AK5: variants seen among roughly 807,000 people sequenced by gnomAD.
The protein encoded by AK5 is adenylate kinase isoenzyme 5.
AK5 carries 27 observed loss-of-function variants against 69.5 expected under a neutral mutation model. The ratio of observed to expected loss-of-function variants is 0.39; its 90% CI spans 0.29 to 0.54. The LOEUF (loss-of-function observed/expected upper bound fraction) is 0.54. Ranked by LOEUF, AK5 falls within the 20% of genes least tolerant of loss-of-function variation. The pLI is 0.71. For synonymous variants in AK5, 260 were observed against 244.4 expected (o/e 1.06, Z -0.60); for missense variants, 531 against 700.4 (o/e 0.76, Z 2.73).
intron 10 of AK5, among the ~76,000 whole-genome samples, chr1:77,517,049 C>T (rs3104462): frequency 0.025 from 3,328 of 135,694 alleles, 105 homozygotes; most frequent in African/African-American, 0.089. Context: ...CCAGCCTGGT[C>T]GATAAAGCAA....
chr1:77,447,346 G>A (rs1652813908), intron 8 of AK5, among the ~76,000 whole-genome samples: 1 of 152,186 alleles, frequency 6.6e-6, no homozygotes, highest in African/African-American at 2.4e-5. Flanking sequence ...TGCCAATTCT[G>A]AGCAAGGAAT....
intron 8 of AK5, among the ~76,000 whole-genome samples, chr1:77,451,485 A>G (rs1458806081): frequency 1.3e-5 from 2 of 152,188 alleles, no homozygotes; most frequent in Non-Finnish European, 2.9e-5. Flanking sequence ...TCACTGTTAT[A>G]AATAATGCTG....
Position 77,433,145 on chromosome 1 carries a change from C to A in AK5, c.1059+15430C>A, listed in dbSNP as rs551351917. The stretch of plus-strand genomic sequence containing the variant: ...TTGCTCTTAGTTGGAGAGTTGCAGC[C>A]AAATATTGAAGAAAATTAGGAGAAT... On this transcript the variant is annotated intron_variant, in intron 8 of 13. Transcript: ENST00000354567. Among the ~76,000 whole-genome samples, 4 of 152,122 alleles carry A rather than the reference C, an allele frequency of 2.6e-5. No homozygotes were observed. In the East Asian group the frequency reaches 7.7e-4, roughly 29 times the overall value.
intron 5 of AK5, among the ~76,000 whole-genome samples, chr1:77,302,507 A>G (rs970073039): frequency 3.9e-5 from 6 of 152,276 alleles, no homozygotes; most frequent in Non-Finnish European, 7.4e-5. Context: ...TTTAATGACA[A>G]TTAGCTTCAG....
intron 6 of AK5, among the ~76,000 whole-genome samples, chr1:77,356,486 A>G (rs61783073): frequency 0.16 from 24,399 of 152,144 alleles, 2,072 homozygotes; most frequent in Middle Eastern, 0.23. Flanking sequence ...TCAGGGGCAA[A>G]CAGATCACAG....
At chr1:77,324,392 T>C (rs1660689890) in intron 5 of AK5, among the ~76,000 whole-genome samples, 1 of 151,874 alleles carries the variant, frequency 6.6e-6, no homozygotes, top group Admixed American at 6.6e-5. Context: ...AAACTAATTT[T>C]CGTGTATGCC....
At chr1:77,503,886 CAA>C (rs1656872216) in intron 10 of AK5, among the ~76,000 whole-genome samples, 3 of 146,996 alleles carry the variant, frequency 2.0e-5, no homozygotes, top group Non-Finnish European at 4.5e-5. Flanking sequence ...GCCTGGGTGA[CAA>C]GAGACTGTCT....
intron 5 of AK5, among the ~76,000 whole-genome samples, chr1:77,319,869 C>G (rs958370596): frequency 1.3e-5 from 2 of 152,148 alleles, no homozygotes; most frequent in Non-Finnish European, 2.9e-5. Flanking sequence ...ATTATGTGTA[C>G]AAGTGTGCCC....
intron 8 of AK5, among the ~76,000 whole-genome samples, chr1:77,445,742 A>T (rs1328840620): frequency 6.7e-6 from 1 of 149,214 alleles, no homozygotes; most frequent in Non-Finnish European, 1.5e-5. Context: ...CTGCCACCAT[A>T]CCCGGCTAAT....
At chr1:77,367,291 C>G (rs1646967550) in intron 6 of AK5, among the ~76,000 whole-genome samples, 1 of 151,014 alleles carries the variant, frequency 6.6e-6, no homozygotes, top group African/African-American at 2.4e-5. Context: ...GGCATAGGAC[C>G]CAAGTCTAAA....
intron 5 of AK5, chr1:77,314,163 A>G (rs987883516): frequency 7.0e-5 from 21 of 299,114 alleles, no homozygotes; most frequent in Middle Eastern, 1.2e-3. Context: ...TTCTAATTTT[A>G]TATGTGAGGA....
At chr1:77,438,991 A>G (rs1287307899) in intron 8 of AK5, among the ~76,000 whole-genome samples, 1 of 152,162 alleles carries the variant, frequency 6.6e-6, no homozygotes, top group African/African-American at 2.4e-5. Flanking sequence ...CTGAGAAGAA[A>G]TTCTCCAGGA....
intron 6 of AK5, among the ~76,000 whole-genome samples, chr1:77,406,387 G>C (rs891671730): frequency 6.6e-6 from 1 of 152,122 alleles, no homozygotes; most frequent in Admixed American, 6.6e-5. Flanking sequence ...AGATGGAACT[G>C]AGAGTCCAAG....
At chr1:77,496,883 T>C (rs541025286) in intron 10 of AK5, among the ~76,000 whole-genome samples, 63 of 152,084 alleles carry the variant, frequency 4.1e-4, no homozygotes, top group Non-Finnish European at 8.2e-4. Context: ...CTCTGTAAAA[T>C]GGACTAATTG....
At chr1:77,499,851 G>T (rs1656592240) in intron 10 of AK5, among the ~76,000 whole-genome samples, 1 of 131,854 alleles carries the variant, frequency 7.6e-6, no homozygotes. Context: ...CTAGATGACA[G>T]AGACCATGCC....
At position 77,527,887 on chromosome 1, in the gene AK5, C is replaced by T. The variant is rs531844421; in HGVS notation, c.1428+5944C>T. 5.3e-5 allele frequency among the ~76,000 whole-genome samples: 8 copies of T among 152,282 alleles called. 1 individual carries two copies. The highest frequency in any genetic ancestry group is 1.9e-4 in the African/African-American group (8 of 41,550). On this transcript the variant is annotated intron_variant, in intron 12 of 13. Coordinates refer to ENST00000354567, the MANE Select transcript of AK5 (RefSeq NM_174858.3). ...CAAGCCAGACTAACATGGCGAAACC[C>T]CGTCTCTACTAAAAATACAAAATTA...
chr1:77,555,914 GAAGTA>G lies in AK5; in HGVS notation c.1621-2684_1621-2680del. ...TGTTGGTTGAAAGGAAAAGAAGAAAGAAGTAAAGCAATAAGCAAGGTGCTGTGGGG... is the reference window on the plus strand; with the variant it reads ...TGTTGGTTGAAAGGAAAAGAAGAAAGAAGCAATAAGCAAGGTGCTGTGGGG... On this transcript the variant is annotated intron_variant, in intron 13 of 13. Coordinates refer to ENST00000354567, the MANE Select transcript of AK5 (RefSeq NM_174858.3). 3.9e-5 allele frequency among the ~76,000 whole-genome samples: 6 copies of G among 152,326 alleles called. No homozygotes were observed. The South Asian group carries it at 1.2e-3, about 32-fold the overall frequency.
intron 3 of AK5, among the ~76,000 whole-genome samples, chr1:77,295,669 TTC>T (rs1658957554): frequency 1.7e-5 from 1 of 58,750 alleles, no homozygotes; most frequent in South Asian, 4.1e-4. Context: ...ACAGAACACA[TTC>T]TTTCTATTTT....
chr1:77,454,317 A>G (rs1380763253), intron 8 of AK5, among the ~76,000 whole-genome samples: 2 of 137,946 alleles, frequency 1.4e-5, no homozygotes, highest in Non-Finnish European at 3.0e-5. Context: ...CTCAAATCCT[A>G]CTCCTAATTG....
Sources: gnomAD v4.1 joint callset for allele counts (sites outside exome capture counted in the v4.1 genomes callset) on GRCh38, gnomAD v4.1.1 for gene constraint, MANE v1.5 for transcripts, NCBI Gene and HGNC (gene_info 2026-07-23, HGNC 2026-07-21) for gene names.